Variants in HSD17B3 observed in about 807,000 individuals in gnomAD.
HSD17B3 encodes the protein hydroxysteroid 17-beta dehydrogenase 3, also known as 17-beta-hydroxysteroid dehydrogenase type 3.
Under a neutral mutation model 41.1 loss-of-function variants are expected in HSD17B3, and 29 were observed. The ratio of observed to expected loss-of-function variants is 0.71; its 90% CI spans 0.53 to 0.96. The LOEUF (loss-of-function observed/expected upper bound fraction) is 0.96, where lower values mean the gene tolerates loss of function less well. HSD17B3 is among the 40% of genes least tolerant of loss of function. HSD17B3 has a pLI of 0.00. For missense variants in HSD17B3, 323 were observed against 374.6 expected (o/e 0.86, Z 1.14); for synonymous variants, 126 against 145.6 (o/e 0.87, Z 0.97).
At chr9:96,293,672 T>A (rs1478666876) in intron 2 of HSD17B3, among the ~76,000 whole-genome samples, 1 of 151,972 alleles carries the variant, frequency 6.6e-6, no homozygotes, top group Non-Finnish European at 1.5e-5. Flanking sequence ...TGTGTGTGTG[T>A]GTGTGTGACA....
intron 3 of HSD17B3, 45 bp from the exon 4 acceptor site, chr9:96,252,955 G>T: frequency 8.4e-7 from 1 of 1,194,262 alleles, no homozygotes; most frequent in Non-Finnish European, 1.3e-6. Context: ...GGATCCAAAT[G>T]CCCCCTCGCC....
chr9:96,243,916 C>T (rs1836551144), intron 9 of HSD17B3, among the ~76,000 whole-genome samples: 2 of 152,184 alleles, frequency 1.3e-5, no homozygotes, highest in Non-Finnish European at 2.9e-5. Context: ...GGATCAAGTG[C>T]CCAGTTTTGT....
chr9:96,243,417 T>G (rs1296289517), intron 9 of HSD17B3, among the ~76,000 whole-genome samples: 2 of 152,172 alleles, frequency 1.3e-5, no homozygotes, highest in East Asian at 3.9e-4. Context: ...TACCATTAAC[T>G]CATATCTGCC....
chr9:96,298,451 C>T lies in HSD17B3; in HGVS notation c.166G>A (p.Ala56Thr), dbSNP rs119481078. 7 of 1,613,654 alleles carry T rather than the reference C, an allele frequency of 4.3e-6. No individual in the cohort carries two copies. The South Asian group carries it at 7.7e-5, about 18-fold the overall frequency. The change falls in exon 2 of 11, where the codon GCA becomes ACA. Residue 56 changes from alanine to threonine, a missense_variant. Ala to Thr is a moderately conservative substitution (Grantham distance 58). Transcript: ENST00000375263. Reference protein sequence around the residue: ...SMGQWAVITGAGDGIGKAYSF... With the variant: ...SMGQWAVITGTGDGIGKAYSF... ...TACGCTTTCCCAATTCCATCGCCTG[C>T]TCCAGTGATCACTGTGAAAAGCAAG... is the stretch of plus-strand genomic sequence containing the variant.
intron 5 of HSD17B3, chr9:96,250,529 G>C (rs1331523997): frequency 2.0e-6 from 2 of 998,288 alleles, no homozygotes; most frequent in Non-Finnish European, 2.4e-6. Flanking sequence ...GTTCAGATTG[G>C]TGTAGCCCTA....
intron 2 of HSD17B3, among the ~76,000 whole-genome samples, chr9:96,280,191 G>T (rs561500102): frequency 6.6e-6 from 1 of 152,344 alleles, no homozygotes; most frequent in African/African-American, 2.4e-5. Flanking sequence ...GCCTGAACTG[G>T]TTTTTCAGGT....
rs8190483 is a variant in HSD17B3 at position 96,301,920 on chromosome 9, C to CA, written c.154+30dup. ...TAGTAACAAGCAGGAACAACAGCAG[C>CA]AAAAAAACATGAGATGGAACACTCC... is the stretch of plus-strand genomic sequence containing the variant. On this transcript the variant is annotated intron_variant, in intron 1 of 10. Transcript: ENST00000375263. 593,808 of 1,602,790 alleles carry CA rather than the reference C, an allele frequency of 0.37. 120,084 individuals are homozygous for CA. The highest frequency in any genetic ancestry group is 0.43 in the Non-Finnish European group (497,597 of 1,169,970).
chr9:96,250,306 G>T, intron 5 of HSD17B3: 4 of 1,080,954 alleles, frequency 3.7e-6, no homozygotes, highest in African/African-American at 1.6e-5. Flanking sequence ...CCTGGAACTT[G>T]CTTCTTGAAG....
intron 2 of HSD17B3, among the ~76,000 whole-genome samples, chr9:96,283,173 C>T (rs10820220): frequency 0.48 from 73,020 of 151,280 alleles, 18,473 homozygotes; most frequent in East Asian, 0.66. Flanking sequence ...ACCCAGCTAA[C>T]TTTGTACTTT....
At chr9:96,280,441 G>A (rs1291849395) in intron 2 of HSD17B3, among the ~76,000 whole-genome samples, 1 of 152,130 alleles carries the variant, frequency 6.6e-6, no homozygotes. Context: ...GTTAGCTGAG[G>A]CATAGATGTT....
At chr9:96,236,464 C>G (rs1198362496) in intron 10 of HSD17B3, among the ~76,000 whole-genome samples, 1 of 151,638 alleles carries the variant, frequency 6.6e-6, no homozygotes, top group East Asian at 2.0e-4. Context: ...TTGCATTGAG[C>G]TGAGATCACA....
At chr9:96,257,444 A>T (rs1344545875) in intron 2 of HSD17B3, among the ~76,000 whole-genome samples, 1 of 150,418 alleles carries the variant, frequency 6.6e-6, no homozygotes, top group Non-Finnish European at 1.5e-5. Flanking sequence ...AGCCTTCTCT[A>T]ACTATCTCTG....
intron 10 of HSD17B3, among the ~76,000 whole-genome samples, chr9:96,236,025 T>C (rs1445724265): frequency 6.6e-6 from 1 of 151,374 alleles, no homozygotes; most frequent in Non-Finnish European, 1.5e-5. Flanking sequence ...GCCCAGGCTG[T>C]TCTCAAACTC....
In HSD17B3 at chr9:96,249,782, A is replaced by G; in HGVS notation, c.458T>C (p.Leu153Pro). 1 of 1,614,064 alleles carries G rather than the reference A, an allele frequency of 6.2e-7. No homozygotes were observed. Among genetic ancestry groups the G allele is most frequent in the Non-Finnish European group, 8.5e-7 (1 of 1,179,944 alleles). Residue 153 changes from leucine to proline, a missense_variant, in exon 6 of 11, where the codon CTC (leucine) becomes CCC (proline). Coordinates refer to ENST00000375263, the MANE Select transcript of HSD17B3 (RefSeq NM_000197.2). ...FLNAPDEIQS[L>P]IHCNITSVVK... ...TACGGAGGTGATGTTACAATGGATG[A>G]GGCTCTGTAATAAATAATCACAACC...
chr9:96,275,748 G>A (rs2476927), intron 2 of HSD17B3, among the ~76,000 whole-genome samples: 59,429 of 151,392 alleles, frequency 0.39, 12,084 homozygotes, highest in African/African-American at 0.48. Flanking sequence ...AGCAATAATC[G>A]ATACAAAAAA....
chr9:96,251,381 A>C (rs408876), intron 5 of HSD17B3, 37 bp downstream of exon 5: 1 of 1,585,208 alleles, frequency 6.3e-7, no homozygotes. Flanking sequence ...CAGAACCTGG[A>C]TAAGAGGAAT....
At chr9:96,238,903 T>G (rs1262570770) in intron 10 of HSD17B3, among the ~76,000 whole-genome samples, 1 of 152,178 alleles carries the variant, frequency 6.6e-6, no homozygotes, top group East Asian at 1.9e-4. Context: ...GGAAATTATC[T>G]CAGCATGGTG....
Position 96,252,863 on chromosome 9 carries a change from T to C in HSD17B3, c.325A>G (p.Lys109Glu). ...SVKIIQADFT[K>E]DDIYEHIKEK... Reference sequence around the variant, plus strand: ...TTAATATGCTCGTAGATGTCATCTTTTGTAAAATCTGCTTGTATAATCTTC... The same window carrying C: ...TTAATATGCTCGTAGATGTCATCTTCTGTAAAATCTGCTTGTATAATCTTC... Residue 109 changes from lysine to glutamate, a missense_variant, in exon 4 of 11, where the codon AAA (lysine) becomes GAA (glutamate). Transcript: ENST00000375263. 6.2e-7 allele frequency: 1 copy of C among 1,613,846 alleles called. No individual in the cohort carries two copies. The highest frequency in any genetic ancestry group is 8.5e-7 in the Non-Finnish European group (1 of 1,179,756).
chr9:96,249,842 G>A (rs1258171864), intron 5 of HSD17B3, 56 bp from the exon 6 acceptor site: 1 of 1,612,926 alleles, frequency 6.2e-7, no homozygotes, highest in Non-Finnish European at 8.5e-7. Flanking sequence ...AATTCTCCTG[G>A]AAAGTAGTTG....
Sources: gnomAD v4.1 joint callset for allele counts (sites outside exome capture counted in the v4.1 genomes callset) on GRCh38, gnomAD v4.1.1 for gene constraint, MANE v1.5 for transcripts, NCBI Gene and HGNC (gene_info 2026-07-23, HGNC 2026-07-21) for gene names.